The following LRP1B variants were observed in gnomAD, a reference collection of about 807,000 sequenced individuals.
LRP1B encodes the protein low-density lipoprotein receptor-related protein 1B.
In LRP1B, 217 loss-of-function variants were observed where a neutral mutation model predicts 556.6. The observed-to-expected ratio is 0.39, with a 90% confidence interval of 0.35 to 0.44. LRP1B has a LOEUF of 0.44. LRP1B is among the 20% of genes least tolerant of loss of function. The pLI is 1.00. For missense variants in LRP1B, 5,053 were observed against 5,620.8 expected (o/e 0.90, Z 3.23); for synonymous variants, 2,047 against 1,865.8 (o/e 1.10, Z -2.50).
rs984239837 is a variant in LRP1B at position 141,358,646 on chromosome 2, C to T, written c.344-104005G>A. On this transcript the variant is annotated intron_variant, in intron 3 of 90. Coordinates refer to ENST00000389484, the MANE Select transcript of LRP1B (RefSeq NM_018557.3). ...TGTTTCTAGTAGATTGTTAGTTCTA[C>T]GAAATTGTTTTCATTACTGTTTTAT... 7.9e-5 allele frequency among the ~76,000 whole-genome samples: 12 copies of T among 152,166 alleles called. 1 individual carries two copies. In the South Asian group the frequency reaches 1.2e-3, roughly 16 times the overall value.
intron 2 of LRP1B, among the ~76,000 whole-genome samples, chr2:141,576,398 T>C (rs1029984092): frequency 1.3e-5 from 2 of 152,036 alleles, no homozygotes; most frequent in Non-Finnish European, 2.9e-5. Context: ...GTGTTGAACA[T>C]TGAGAACACA....
intron 2 of LRP1B, among the ~76,000 whole-genome samples, chr2:141,552,487 A>G (rs1281020763): frequency 6.6e-6 from 1 of 152,048 alleles, no homozygotes; most frequent in East Asian, 1.9e-4. Context: ...AGATATGACC[A>G]TAAAGAGAAT....
At chr2:141,964,068 C>T (rs1404531902) in intron 1 of LRP1B, among the ~76,000 whole-genome samples, 3 of 131,670 alleles carry the variant, frequency 2.3e-5, no homozygotes, top group African/African-American at 8.8e-5. Context: ...AGGAGAACTA[C>T]AAACCACTGC....
At chr2:141,548,225 A>G (rs923418314) in intron 2 of LRP1B, among the ~76,000 whole-genome samples, 38 of 152,220 alleles carry the variant, frequency 2.5e-4, no homozygotes, top group Admixed American at 7.9e-4. Context: ...TGAGATTTCA[A>G]TGACATGTTC....
At chr2:140,644,227 T>A (rs1401430027) in intron 41 of LRP1B, among the ~76,000 whole-genome samples, 1 of 152,088 alleles carries the variant, frequency 6.6e-6, no homozygotes, top group Middle Eastern at 3.2e-3. Flanking sequence ...AGCCAGTAGC[T>A]TACATTGTTA....
intron 17 of LRP1B, among the ~76,000 whole-genome samples, chr2:140,989,160 T>C (rs553610793): frequency 6.6e-6 from 1 of 152,126 alleles, no homozygotes; most frequent in African/African-American, 2.4e-5. Flanking sequence ...AATTTATAAA[T>C]TATTTTCTCA....
At chr2:140,326,118 C>T (rs550062511) in intron 79 of LRP1B, among the ~76,000 whole-genome samples, 33 of 152,254 alleles carry the variant, frequency 2.2e-4, no homozygotes, top group Admixed American at 4.6e-4. Context: ...TCTTATTTCA[C>T]ATAGGAAAGT....
chr2:141,862,295 A>C (rs2105788917), intron 1 of LRP1B, among the ~76,000 whole-genome samples: 1 of 152,292 alleles, frequency 6.6e-6, no homozygotes, highest in East Asian at 1.9e-4. Flanking sequence ...TTGTATAGCT[A>C]ATATGCATTA....
At chr2:141,632,204 A>G (rs1215491853) in intron 2 of LRP1B, among the ~76,000 whole-genome samples, 1 of 152,122 alleles carries the variant, frequency 6.6e-6, no homozygotes, top group Non-Finnish European at 1.5e-5. Context: ...GGTAACAGGC[A>G]TGATTGTATA....
intron 84 of LRP1B, among the ~76,000 whole-genome samples, chr2:140,294,922 G>C (rs143920389): frequency 6.6e-4 from 101 of 152,258 alleles, no homozygotes; most frequent in African/African-American, 2.2e-3. Context: ...CTGTCGCCAG[G>C]CTGGAGTGCA....
At chr2:141,423,316 T>G (rs1195281788) in intron 3 of LRP1B, among the ~76,000 whole-genome samples, 1 of 50,918 alleles carries the variant, frequency 2.0e-5, no homozygotes, top group Admixed American at 2.2e-4. Context: ...TTTTTTTTTT[T>G]AAGGGCAAAT....
intron 1 of LRP1B, among the ~76,000 whole-genome samples, chr2:141,823,469 G>T (rs1487747685): frequency 2.0e-5 from 3 of 152,060 alleles, no homozygotes; most frequent in African/African-American, 7.2e-5. Context: ...CTAACAATCA[G>T]AAGTAACTGA....
chr2:140,813,566 G>T (rs908980829), intron 32 of LRP1B, 91 bp downstream of exon 32: 1 of 1,089,340 alleles, frequency 9.2e-7, no homozygotes. Flanking sequence ...GGTGTTAGTG[G>T]AGCAGTAACT....
At chr2:141,738,087 C>T (rs1305311898) in intron 2 of LRP1B, among the ~76,000 whole-genome samples, 1 of 152,004 alleles carries the variant, frequency 6.6e-6, no homozygotes, top group Non-Finnish European at 1.5e-5. Context: ...CAATATTATC[C>T]ACAGATCAGT....
chr2:140,670,990 C>T (rs1365411157), intron 41 of LRP1B, among the ~76,000 whole-genome samples: 1 of 152,114 alleles, frequency 6.6e-6, no homozygotes, highest in South Asian at 2.1e-4. Context: ...GGATATAGGG[C>T]AGGCCTACCA....
chr2:141,138,557 T>G (rs1701546236), intron 7 of LRP1B, among the ~76,000 whole-genome samples: 1 of 108,218 alleles, frequency 9.2e-6, no homozygotes, highest in African/African-American at 3.4e-5. Context: ...TAGCAAGATT[T>G]AAGAATGCAA....
intron 1 of LRP1B, among the ~76,000 whole-genome samples, chr2:142,120,398 C>CTGT: frequency 6.6e-6 from 1 of 152,180 alleles, no homozygotes; most frequent in Non-Finnish European, 1.5e-5. Flanking sequence ...AGGCGTGAGC[C>CTGT]ACCATGCCCG....
At chr2:141,933,970 A>G (rs2105000034) in intron 1 of LRP1B, among the ~76,000 whole-genome samples, 1 of 152,276 alleles carries the variant, frequency 6.6e-6, no homozygotes, top group African/African-American at 2.4e-5. Context: ...TAAGAGAATA[A>G]GCACTATAAA....
At chr2:141,477,602 T>A (rs551810686) in intron 3 of LRP1B, among the ~76,000 whole-genome samples, 1 of 152,330 alleles carries the variant, frequency 6.6e-6, no homozygotes, top group South Asian at 2.1e-4. Flanking sequence ...GTGATTTGGT[T>A]TTTGTCCATG....
Sources: allele counts gnomAD v4.1 joint callset (sites outside exome capture counted in the v4.1 genomes callset), GRCh38; gene constraint gnomAD v4.1.1; transcripts MANE v1.5; gene names NCBI Gene and HGNC (gene_info 2026-07-23, HGNC 2026-07-21).